The following MAP3K13 variants were observed in gnomAD, a reference collection of about 807,000 sequenced individuals.
MAP3K13 encodes mitogen-activated protein kinase kinase kinase 13.
Under a neutral mutation model 104.0 loss-of-function variants are expected in MAP3K13, and 52 were observed. The observed-to-expected ratio is 0.50, with a 90% confidence interval of 0.40 to 0.63. The LOEUF is 0.63. MAP3K13 is among the 20% of genes least tolerant of loss of function. The pLI is 0.00. For missense variants in MAP3K13, 914 were observed against 1,218.5 expected, an observed-to-expected ratio of 0.75 and a Z score of 3.72; for synonymous variants, 394 against 442.2, an observed-to-expected ratio of 0.89 and a Z score of 1.37.
Position 185,473,102 on chromosome 3 carries a change from C to A in MAP3K13, c.1771C>A (p.Arg591Ser). ...KSRYRSKPRHRRGNSRGSHSD... is the reference protein window; with the variant it reads ...KSRYRSKPRHSRGNSRGSHSD... The stretch of plus-strand genomic sequence containing the variant: ...CCGATATCGAAGCAAACCACGCCAC[C>A]GCCGAGGGAATAGCAGAGGCAGCCA... Residue 591 changes from arginine to serine, a missense_variant, in exon 11 of 14, where the codon CGC becomes AGC. Arg to Ser is a moderately radical substitution (Grantham distance 110). Around this residue, in one of 3 missense-constraint regions of MAP3K13, gnomAD observed 583 missense variants for 737.4 expected, o/e 0.79. Transcript: ENST00000265026. This position sits in a 1 kb window ranked among gnomAD's most constrained non-coding sequence, Gnocchi z 4.9. 1.2e-6 allele frequency: 2 copies of A among 1,614,140 alleles called. No individual in the cohort carries two copies. The highest frequency in any genetic ancestry group is 1.7e-6 in the Non-Finnish European group (2 of 1,180,034).
At chr3:185,348,832 G>T (rs1324343217) in intron 2 of MAP3K13, among the ~76,000 whole-genome samples, 1 of 152,162 alleles carries the variant, frequency 6.6e-6, no homozygotes, top group African/African-American at 2.4e-5. Flanking sequence ...CAGGACAATC[G>T]CTTGAACCCA....
At chr3:185,428,402 C>A (rs1714548600) in intron 1 of MAP3K13, 95 bp from the exon 2 acceptor site, 8 of 725,032 alleles carry the variant, frequency 1.1e-5, no homozygotes, top group Non-Finnish European at 1.7e-5. Flanking sequence ...GTTAACCAAT[C>A]CCCATTGTTT....
Position 185,386,225 on chromosome 3 carries a change from C to A in MAP3K13, c.-86+22857C>A, listed in dbSNP as rs559396715. On this transcript the variant is annotated intron_variant, in intron 1 of 13. Transcript: ENST00000265026. ...TTAAACAAATTTACAAGAAAAAAAACAAACATTCCCATTAAAAAGTGGGCA... is the reference window on the plus strand; with the variant it reads ...TTAAACAAATTTACAAGAAAAAAAAAAAACATTCCCATTAAAAAGTGGGCA... Among the ~76,000 whole-genome samples the A allele has an allele frequency of 2.7e-3, 416 of 151,774 alleles. 2 individuals carry two copies. Among genetic ancestry groups the A allele is most frequent in the African/African-American group, 9.8e-3 (404 of 41,248 alleles).
chr3:185,464,257 C>T (rs779809387), intron 8 of MAP3K13, among the ~76,000 whole-genome samples: 1 of 152,172 alleles, frequency 6.6e-6, no homozygotes, highest in Non-Finnish European at 1.5e-5. Context: ...CACTGCACCC[C>T]AGCCTGGGTG....
intron 2 of MAP3K13, among the ~76,000 whole-genome samples, chr3:185,331,091 C>G (rs555287697): frequency 0.14 from 10,479 of 72,296 alleles, 602 homozygotes; most frequent in East Asian, 0.28. Flanking sequence ...ACCTAATTTA[C>G]CTTTTTTTTT....
chr3:185,416,016 G>A (rs1211252647), intron 1 of MAP3K13, among the ~76,000 whole-genome samples: 3 of 152,116 alleles, frequency 2.0e-5, no homozygotes, highest in African/African-American at 7.2e-5. Flanking sequence ...TGTAATTAAA[G>A]ACAAAGGAAA....
intron 7 of MAP3K13, among the ~76,000 whole-genome samples, chr3:185,455,654 TATGATATATATATGA>T (rs1560120175): frequency 9.0e-5 from 5 of 55,834 alleles, no homozygotes; most frequent in African/African-American, 3.1e-4. Context: ...GAGATATATA[TATGATATATATATGA>T]TATATATATG....
chr3:185,460,666 T>G (rs1041791172), intron 7 of MAP3K13, among the ~76,000 whole-genome samples: 1 of 152,204 alleles, frequency 6.6e-6, no homozygotes, highest in African/African-American at 2.4e-5. Context: ...GAACTCGAAA[T>G]CAACAAGTGC....
intron 1 of MAP3K13, among the ~76,000 whole-genome samples, chr3:185,404,312 G>A (rs1437818968): frequency 6.6e-6 from 1 of 152,222 alleles, no homozygotes; most frequent in Non-Finnish European, 1.5e-5. Context: ...TGTAAGAACA[G>A]ATGAAGGTGT....
intron 4 of MAP3K13, 97 bp downstream of exon 4, chr3:185,443,733 T>C: frequency 8.0e-6 from 8 of 999,878 alleles, no homozygotes; most frequent in Non-Finnish European, 1.2e-5. Flanking sequence ...CATCATACCT[T>C]TAGTTCAGTT....
chr3:185,339,930 A>G (rs1722655137), intron 2 of MAP3K13, among the ~76,000 whole-genome samples: 1 of 152,278 alleles, frequency 6.6e-6, no homozygotes, highest in African/African-American at 2.4e-5. Flanking sequence ...GAAACTATGC[A>G]AAGCAGTTTT....
chr3:185,344,435 TAC>T (rs770206873), intron 2 of MAP3K13, among the ~76,000 whole-genome samples: 12 of 152,200 alleles, frequency 7.9e-5, no homozygotes, highest in Non-Finnish European at 1.5e-4. Flanking sequence ...CCCCTCTCCT[TAC>T]ACAGTTTCTC....
chr3:185,350,451 CGCT>C (rs1311478737), intron 2 of MAP3K13, among the ~76,000 whole-genome samples: 2 of 152,100 alleles, frequency 1.3e-5, no homozygotes, highest in African/African-American at 2.4e-5. Context: ...CATCCCAAAG[CGCT>C]GGGATTACAG....
At chr3:185,470,102 C>T (rs1717690786) in intron 10 of MAP3K13, among the ~76,000 whole-genome samples, 1 of 152,204 alleles carries the variant, frequency 6.6e-6, no homozygotes, top group Non-Finnish European at 1.5e-5. Context: ...TCCACTTCAA[C>T]CGGTTCCACT....
intron 2 of MAP3K13, among the ~76,000 whole-genome samples, chr3:185,331,432 G>C (rs998574640): frequency 2.6e-5 from 4 of 151,632 alleles, no homozygotes; most frequent in African/African-American, 7.3e-5. Context: ...TAGCCACCTG[G>C]CAGTATTTAT....
At chr3:185,284,705 T>C (rs1298466251) in intron 1 of MAP3K13, among the ~76,000 whole-genome samples, 1 of 151,688 alleles carries the variant, frequency 6.6e-6, no homozygotes, top group Non-Finnish European at 1.5e-5. Flanking sequence ...CAGAGTTAAC[T>C]CCTCAGGAAC....
At position 185,388,179 on chromosome 3, in the gene MAP3K13, A is replaced by G. The variant is rs114027128; in HGVS notation, c.-86+24811A>G. Among the ~76,000 whole-genome samples, 399 of 152,212 alleles carry G rather than the reference A, an allele frequency of 2.6e-3. 3 individuals carry two copies. Among genetic ancestry groups the G allele is most frequent in the African/African-American group, 8.8e-3 (364 of 41,542 alleles). On this transcript the variant is annotated intron_variant, in intron 1 of 13. Coordinates refer to ENST00000265026, the MANE Select transcript of MAP3K13 (RefSeq NM_004721.5). ...ATGTAACCAAGGAGGTAAAAGACTTATACAAGAAAGCTACAAAACACTTAT... is the reference window on the plus strand; with the variant it reads ...ATGTAACCAAGGAGGTAAAAGACTTGTACAAGAAAGCTACAAAACACTTAT...
intron 12 of MAP3K13, among the ~76,000 whole-genome samples, chr3:185,478,563 G>T (rs183101355): frequency 4.3e-4 from 66 of 152,148 alleles, no homozygotes; most frequent in Non-Finnish European, 1.5e-5. Flanking sequence ...CCTGTCCTGG[G>T]CATCAGCCAG....
intron 10 of MAP3K13, among the ~76,000 whole-genome samples, chr3:185,470,950 C>A (rs750378982): frequency 6.6e-6 from 1 of 152,104 alleles, no homozygotes; most frequent in African/African-American, 2.4e-5. Flanking sequence ...ATGTCAATAC[C>A]GTCTTTTTAC....
Sources: allele counts gnomAD v4.1 joint callset (sites outside exome capture counted in the v4.1 genomes callset), GRCh38; gene constraint gnomAD v4.1.1; regional missense constraint gnomAD v4.1.1; non-coding constraint Gnocchi (gnomAD v3.1); transcripts MANE v1.5; gene names NCBI Gene and HGNC (gene_info 2026-07-23, HGNC 2026-07-21).